PACC1: variants seen among roughly 807,000 people sequenced by gnomAD.
PACC1 encodes the protein proton-activated chloride channel.
In PACC1, 34 loss-of-function variants were observed where a neutral mutation model predicts 39.7. The ratio of observed to expected loss-of-function variants is 0.86; its 90% CI spans 0.65 to 1.14. The LOEUF (loss-of-function observed/expected upper bound fraction) is 1.14, where lower values mean the gene tolerates loss of function less well. Ranked by LOEUF, PACC1 falls within the 50% of genes most tolerant of loss-of-function variation. The probability of loss-of-function intolerance (pLI) is 0.00; values close to 1 mark genes in which losing one functional copy is unlikely to be tolerated. For missense variants in PACC1, 379 were observed against 436.4 expected (o/e 0.87, Z 1.17); for synonymous variants, 127 against 160.6 (o/e 0.79, Z 1.58).
At chr1:212,376,201 C>G (rs76513823) in intron 6 of PACC1, among the ~76,000 whole-genome samples, 11,438 of 152,150 alleles carry the variant, frequency 0.075, 1,409 homozygotes, top group African/African-American at 0.26. Context: ...CCCAGAGGCT[C>G]AGATCCATCA....
intron 4 of PACC1, among the ~76,000 whole-genome samples, 175 bp from the exon 5 acceptor site, chr1:212,380,212 T>G (rs1206707754): frequency 2.6e-5 from 4 of 152,184 alleles, no homozygotes; most frequent in Admixed American, 2.6e-4. Context: ...TGGGGAGTTT[T>G]CCCCATATGA....
At chr1:212,388,032 C>T (rs1661168380) in intron 2 of PACC1, among the ~76,000 whole-genome samples, 1 of 129,610 alleles carries the variant, frequency 7.7e-6, no homozygotes, top group South Asian at 2.4e-4. Context: ...CCAGCCTGGG[C>T]AACAAGAGCG....
chr1:212,406,382 T>C (rs933540338), intron 2 of PACC1, among the ~76,000 whole-genome samples: 5 of 152,192 alleles, frequency 3.3e-5, no homozygotes, highest in Middle Eastern at 3.4e-3. Flanking sequence ...CCAGGAATGA[T>C]TGCAAGTGCC....
intron 4 of PACC1, among the ~76,000 whole-genome samples, chr1:212,381,306 T>A (rs1457537471): frequency 2.6e-5 from 4 of 152,250 alleles, no homozygotes. Flanking sequence ...ACATCCTTCT[T>A]GCAAACTTTT....
At chr1:212,389,109 T>C (rs748511346) in intron 2 of PACC1, among the ~76,000 whole-genome samples, 15 of 152,206 alleles carry the variant, frequency 9.9e-5, no homozygotes, top group Non-Finnish European at 2.2e-4. Flanking sequence ...AGAGAAGAAC[T>C]GTACTTGGTG....
In PACC1 at chr1:212,365,163, T is replaced by C. The variant is rs1309205107; in HGVS notation, c.*52A>G. ...GATAGCTCCGTTTACAAAGTGGAAG[T>C]GATGACAGCTCCCATTGATGTGGAC... On this transcript the variant is annotated 3_prime_UTR_variant, in exon 8 of 8. Transcript: ENST00000261455. 14 of 1,566,854 alleles carry C rather than the reference T, an allele frequency of 8.9e-6. No homozygotes were observed. In the East Asian group the frequency reaches 3.2e-4, roughly 35 times the overall value.
chr1:212,373,483 G>A (rs549511679), intron 7 of PACC1, among the ~76,000 whole-genome samples: 9 of 152,146 alleles, frequency 5.9e-5, no homozygotes, highest in East Asian at 5.8e-4. Context: ...CAACAAAGGC[G>A]AAAACAGAAA....
rs17018959 is a variant in PACC1, at chr1:212,381,989, C to G, written c.496-1952G>C. The stretch of plus-strand genomic sequence containing the variant: ...TGCAGGTTTTGTTTTTATTTGGTAG[C>G]TTAGCCTATACTCTGACTAATACAC... On this transcript the variant is annotated intron_variant, in intron 4 of 7. Coordinates refer to ENST00000261455, the MANE Select transcript of PACC1 (RefSeq NM_018252.3). Among the ~76,000 whole-genome samples the G allele has an allele frequency of 1.1e-3, 160 of 152,166 alleles. 4 individuals are homozygous for G. In the East Asian group the frequency reaches 0.029, roughly 28 times the overall value.
In PACC1 at chr1:212,385,337, C is replaced by T. The variant is rs11556401; in HGVS notation, c.432G>A (p.Pro144=). The T allele has an allele frequency of 0.015, 25,003 of 1,614,026 alleles. 267 individuals are homozygous for T. Among genetic ancestry groups the T allele is most frequent in the Middle Eastern group, 0.027 (164 of 6,054 alleles). Residue 144 remains proline, a synonymous_variant, in exon 4 of 8, where the codon CCG becomes CCA. Transcript: ENST00000261455. ...VIPPLTSPGQ[P]GDMNCTTQRI... ...TCTGGGTGGTGCAATTCATGTCACC[C>T]GGCTGGCCAGGGCTTGTCAGAGGAG...
chr1:212,375,333 CCT>C (rs1417198027), intron 6 of PACC1, 33 bp from the exon 7 acceptor site: 1 of 1,463,842 alleles, frequency 6.8e-7, no homozygotes, highest in Non-Finnish European at 9.6e-7. Context: ...AGTGTTACCA[CCT>C]CTGTGTGCCC....
chr1:212,365,427 TTC>T (rs1491307369), intron 7 of PACC1, 51 bp from the exon 8 acceptor site: 342 of 1,426,186 alleles, frequency 2.4e-4, no homozygotes, highest in Admixed American at 6.9e-4. Flanking sequence ...TCAGTCTTGA[TTC>T]TTTTTTTTTT....
chr1:212,410,356 G>T, intron 2 of PACC1, 69 bp downstream of exon 2: 1 of 1,444,430 alleles, frequency 6.9e-7, no homozygotes, highest in Non-Finnish European at 9.7e-7. Flanking sequence ...CTCTCCCACA[G>T]TTGGCAAGGC....
chr1:212,401,474 A>G (rs1661708185), intron 2 of PACC1, among the ~76,000 whole-genome samples: 1 of 151,858 alleles, frequency 6.6e-6, no homozygotes, highest in Non-Finnish European at 1.5e-5. Context: ...AAAAATACAA[A>G]AAGTAGCTGG....
intron 2 of PACC1, among the ~76,000 whole-genome samples, chr1:212,399,347 C>T (rs777253393): frequency 1.3e-4 from 20 of 152,232 alleles, no homozygotes; most frequent in Non-Finnish European, 2.2e-4. Flanking sequence ...AGTCCTGACT[C>T]CTAGCCCAAT....
At chr1:212,414,311 C>A (rs1662248604) in intron 1 of PACC1, among the ~76,000 whole-genome samples, 1 of 152,214 alleles carries the variant, frequency 6.6e-6, no homozygotes, top group Admixed American at 6.5e-5. Flanking sequence ...GACCGCGCAT[C>A]AGATCTCGCC....
At chr1:212,377,855 G>T in intron 5 of PACC1, 149 bp from the exon 6 acceptor site, 1 of 851,308 alleles carries the variant, frequency 1.2e-6, no homozygotes, top group Non-Finnish European at 1.8e-6. Flanking sequence ...TGCCTCAACA[G>T]GGCTGTCAGT....
In PACC1 at chr1:212,365,080, T is replaced by G; in HGVS notation, c.*135A>C. ...TTTGGGACGGGGTTAGAAGTTCCAG[T>G]TTTACATGCTGTTCCTCCCAGCAAG... On this transcript the variant is annotated 3_prime_UTR_variant, in exon 8 of 8. Coordinates refer to ENST00000261455, the MANE Select transcript of PACC1 (RefSeq NM_018252.3). 1.1e-6 allele frequency: 1 copy of G among 872,082 alleles called. No homozygotes were observed. The highest frequency in any genetic ancestry group is 1.7e-6 in the Non-Finnish European group (1 of 594,422). 54.0% of individuals were successfully genotyped at this position (872,082 alleles called of 1,614,324 possible).
At position 212,364,424 on chromosome 1, in the gene PACC1, G is replaced by A. The variant is rs1660159047; in HGVS notation, c.*791C>T. 6.6e-6 allele frequency: 1 copy of A among 152,256 alleles called. No individual in the cohort carries two copies. The highest frequency in any genetic ancestry group is 1.5e-5 in the Non-Finnish European group (1 of 68,030). The allele number at this position is 152,256 out of a possible 1,614,324, so 9.4% of individuals were successfully genotyped here. On this transcript the variant is annotated 3_prime_UTR_variant, in exon 8 of 8. Transcript: ENST00000261455. ...TTTTTGTCCTTGGAAGTCACCAAAT[G>A]AAAGTAATTGTGCCCGATGATTGAG...
Position 212,386,827 on chromosome 1 carries a change from G to A in PACC1, c.343+64C>T, listed in dbSNP as rs953749010. 5.7e-5 allele frequency: 86 copies of A among 1,503,968 alleles called. No individual in the cohort carries two copies. Among genetic ancestry groups the A allele is most frequent in the Middle Eastern group, 1.7e-4 (1 of 5,862 alleles). The allele number at this position is 1,503,968 out of a possible 1,614,324, so 93.2% of individuals were successfully genotyped here. A position where few individuals can be genotyped will look rare whatever the true frequency, so the allele number is the denominator to read the frequency against. On this transcript the variant is annotated intron_variant, in intron 3 of 7. Transcript: ENST00000261455. This position sits in a 1 kb window ranked among gnomAD's most constrained non-coding sequence, Gnocchi z 5.0. ...ACCACAAATACAACGGCAGCTCAGG[G>A]AGTATCTGCCAGCTGACACCCTAGA...
Sources: allele counts gnomAD v4.1 joint callset (sites outside exome capture counted in the v4.1 genomes callset), GRCh38; gene constraint gnomAD v4.1.1; non-coding constraint Gnocchi (gnomAD v3.1); transcripts MANE v1.5; gene names NCBI Gene and HGNC (gene_info 2026-07-23, HGNC 2026-07-21).